CAPN13: variants seen among roughly 807,000 people sequenced by gnomAD.
CAPN13 encodes the protein calpain-13.
Under a neutral mutation model 98.4 loss-of-function variants are expected in CAPN13, and 90 were observed. That is an observed-to-expected ratio of 0.92 (90% CI 0.77 to 1.09). The LOEUF is 1.09. CAPN13 is among the 50% of genes least tolerant of loss of function. The pLI, the probability that CAPN13 is intolerant of heterozygous loss-of-function variation, is 0.00. For missense variants in CAPN13, 887 were observed against 841.3 expected (o/e 1.05, Z -0.67); for synonymous variants, 330 against 305.5 (o/e 1.08, Z -0.84).
chr2:30,770,595 G>GACAT, intron 4 of CAPN13, 146 bp from the exon 5 acceptor site: 1 of 976,620 alleles, frequency 1.0e-6, no homozygotes, highest in East Asian at 2.6e-5. Context: ...CAGGTTGCCA[G>GACAT]GCAGGAGACA....
At chr2:30,782,083 C>G (rs1251892435) in intron 2 of CAPN13, among the ~76,000 whole-genome samples, 1 of 152,114 alleles carries the variant, frequency 6.6e-6, no homozygotes, top group Non-Finnish European at 1.5e-5. Context: ...TCTTGTAATG[C>G]AAGGGCTCCT....
chr2:30,755,990 G>A (rs565684901), intron 8 of CAPN13, among the ~76,000 whole-genome samples: 1 of 152,096 alleles, frequency 6.6e-6, no homozygotes, highest in East Asian at 1.9e-4. Context: ...CACCTGCTTG[G>A]AGACAGTGAT....
At chr2:30,752,935 T>C (rs1672251746) in intron 10 of CAPN13, 118 bp downstream of exon 10, 3 of 1,164,980 alleles carry the variant, frequency 2.6e-6, no homozygotes, top group South Asian at 1.4e-5. Flanking sequence ...ACTCCCCTCC[T>C]TTCAGCTTCA....
chr2:30,780,516 C>A (rs1028162548), intron 2 of CAPN13, among the ~76,000 whole-genome samples: 9 of 152,166 alleles, frequency 5.9e-5, no homozygotes, highest in Admixed American at 2.0e-4. Context: ...GATAAACATA[C>A]AACAACTTTT....
chr2:30,793,351 T>C (rs929639610), intron 1 of CAPN13, among the ~76,000 whole-genome samples: 3 of 151,304 alleles, frequency 2.0e-5, no homozygotes, highest in Non-Finnish European at 4.4e-5. Flanking sequence ...ACATCCAAAA[T>C]ACAAAATACT....
intron 22 of CAPN13, among the ~76,000 whole-genome samples, chr2:30,724,122 T>A (rs1190124369): frequency 2.0e-5 from 3 of 152,248 alleles, no homozygotes; most frequent in Non-Finnish European, 4.4e-5. Flanking sequence ...ACATCTTCCC[T>A]CCTTCTGATA....
At position 30,767,301 on chromosome 2, in the gene CAPN13, G is replaced by A. The variant is rs1007827799; in HGVS notation, c.525-2995C>T. On this transcript the variant is annotated intron_variant, in intron 5 of 22. Transcript: ENST00000295055. ...AGCTTCCTTTTTTGGATAGTGAGGG[G>A]TGGGGGACCTTTTAAACAGCTTTAA... Among the ~76,000 whole-genome samples, 8 of 152,158 alleles carry A rather than the reference G, an allele frequency of 5.3e-5. No homozygotes were observed. In the East Asian group the frequency reaches 1.5e-3, roughly 29 times the overall value.
At chr2:30,733,553 G>T (rs2147949205) in intron 19 of CAPN13, among the ~76,000 whole-genome samples, 1 of 152,246 alleles carries the variant, frequency 6.6e-6, no homozygotes, top group South Asian at 2.1e-4. Flanking sequence ...CTGGGAGCTT[G>T]TTAGAAATGC....
At chr2:30,763,061 C>T in intron 7 of CAPN13, 21 bp downstream of exon 7, 2 of 1,593,668 alleles carry the variant, frequency 1.3e-6, no homozygotes, top group East Asian at 2.3e-5. Context: ...GAGAGCTGGA[C>T]AGGCCAGCAG....
intron 5 of CAPN13, among the ~76,000 whole-genome samples, chr2:30,766,706 G>T (rs1467387658): frequency 6.6e-6 from 1 of 152,202 alleles, no homozygotes; most frequent in Non-Finnish European, 1.5e-5. Context: ...AAAGAGGAAA[G>T]AATTCAGATA....
intron 20 of CAPN13, among the ~76,000 whole-genome samples, chr2:30,731,804 C>G (rs1403765873): frequency 1.3e-5 from 2 of 152,218 alleles, no homozygotes; most frequent in Non-Finnish European, 2.9e-5. Flanking sequence ...CTCTTTTACC[C>G]TCCCAGAGCC....
Position 30,736,584 on chromosome 2 carries a change from T to G in CAPN13, c.1654-13A>C, listed in dbSNP as rs768099769. On this transcript the variant is annotated splice_polypyrimidine_tract_variant and intron_variant, in intron 17 of 22. Coordinates refer to ENST00000295055, the MANE Select transcript of CAPN13 (RefSeq NM_144575.3). Reference sequence around the variant, plus strand: ...CATTCACTTTCAGCTGGGTAAGGAGTTAAGAGTGAACCAGCCAGCGTGCAA... The same window carrying G: ...CATTCACTTTCAGCTGGGTAAGGAGGTAAGAGTGAACCAGCCAGCGTGCAA... 1 of 1,613,656 alleles carries G rather than the reference T, an allele frequency of 6.2e-7. No individual in the cohort carries two copies. Among genetic ancestry groups the G allele is most frequent in the Non-Finnish European group, 8.5e-7 (1 of 1,179,790 alleles).
chr2:30,764,744 C>T (rs1265091905), intron 5 of CAPN13, among the ~76,000 whole-genome samples: 1 of 152,276 alleles, frequency 6.6e-6, no homozygotes, highest in Non-Finnish European at 1.5e-5. Context: ...GCTTCCCATT[C>T]AGTTTAACAG....
intron 15 of CAPN13, among the ~76,000 whole-genome samples, chr2:30,740,148 G>T (rs1312727963): frequency 7.3e-6 from 1 of 137,492 alleles, no homozygotes; most frequent in African/African-American, 2.7e-5. Context: ...AGGCTGCAGT[G>T]CAATGGCACG....
intron 2 of CAPN13, among the ~76,000 whole-genome samples, chr2:30,783,602 A>G (rs1018342821): frequency 6.6e-6 from 1 of 152,206 alleles, no homozygotes; most frequent in Admixed American, 6.5e-5. Context: ...CCAGGCATAG[A>G]AAGCTAAGCC....
chr2:30,781,030 A>C (rs762514692), intron 2 of CAPN13, among the ~76,000 whole-genome samples: 3 of 152,204 alleles, frequency 2.0e-5, no homozygotes, highest in Non-Finnish European at 4.4e-5. Flanking sequence ...CCGACTGTGA[A>C]TCACCCAGCA....
intron 4 of CAPN13, among the ~76,000 whole-genome samples, chr2:30,775,319 A>G (rs1028360103): frequency 7.2e-5 from 11 of 152,222 alleles, no homozygotes; most frequent in African/African-American, 2.7e-4. Flanking sequence ...CAATATAAAT[A>G]TAACACTTTA....
At chr2:30,790,623 TG>T (rs1674555344) in intron 1 of CAPN13, among the ~76,000 whole-genome samples, 1 of 152,200 alleles carries the variant, frequency 6.6e-6, no homozygotes, top group Non-Finnish European at 1.5e-5. Context: ...GTTGGGTGAC[TG>T]AGTGAGCTTG....
intron 7 of CAPN13, among the ~76,000 whole-genome samples, chr2:30,759,759 T>C (rs1232932409): frequency 6.6e-6 from 1 of 152,190 alleles, no homozygotes; most frequent in African/African-American, 2.4e-5. Flanking sequence ...TCCGGGCTCC[T>C]AGTTTTGGAA....
Sources: allele counts gnomAD v4.1 joint callset (sites outside exome capture counted in the v4.1 genomes callset), GRCh38; gene constraint gnomAD v4.1.1; transcripts MANE v1.5; gene names NCBI Gene and HGNC (gene_info 2026-07-23, HGNC 2026-07-21).